The following PTPRF variants were observed in gnomAD, a reference collection of about 807,000 sequenced individuals.
PTPRF encodes receptor-type tyrosine-protein phosphatase F.
In PTPRF, 59 loss-of-function variants were observed where a neutral mutation model predicts 201.8. The ratio of observed to expected loss-of-function variants is 0.29; its 90% CI spans 0.24 to 0.36. The LOEUF (loss-of-function observed/expected upper bound fraction) is 0.36, where lower values mean the gene tolerates loss of function less well. Ranked by LOEUF, PTPRF falls within the 10% of genes least tolerant of loss-of-function variation. The probability of loss-of-function intolerance (pLI) is 1.00; values close to 1 mark genes in which losing one functional copy is unlikely to be tolerated. For missense variants in PTPRF, 2,132 were observed against 2,690.5 expected, an observed-to-expected ratio of 0.79 and a Z score of 4.59; for synonymous variants, 1,088 against 1,089.7, an observed-to-expected ratio of 1.00 and a Z score of 0.03.
At chr1:43,545,257 A>G (rs964315531) in intron 3 of PTPRF, 91 bp downstream of exon 3, 31 of 1,347,266 alleles carry the variant, frequency 2.3e-5, no homozygotes, top group Middle Eastern at 3.8e-4. Context: ...ACCGGCTACT[A>G]GGAGAGACAG....
At chr1:43,619,889 C>T in intron 29 of PTPRF, 31 bp downstream of exon 29, 5 of 1,607,876 alleles carry the variant, frequency 3.1e-6, no homozygotes, top group Non-Finnish European at 3.4e-6. Context: ...CCCACCATGC[C>T]CTACAGGGGC....
upstream of PTPRF, among the ~76,000 whole-genome samples, chr1:43,522,374 C>T (rs754726680): frequency 1.1e-4 from 16 of 152,048 alleles, no homozygotes; most frequent in Non-Finnish European, 1.9e-4. Flanking sequence ...AGTGACTGTT[C>T]GTTTTTTCTC....
chr1:43,596,162 G>T (rs545841787), intron 11 of PTPRF, among the ~76,000 whole-genome samples: 6 of 152,170 alleles, frequency 3.9e-5, no homozygotes, highest in Non-Finnish European at 7.4e-5. Context: ...GGACAAGGTT[G>T]ATGGACAGGC....
chr1:43,605,728 T>C (rs1654933867), intron 19 of PTPRF, 106 bp downstream of exon 19: 1 of 1,104,208 alleles, frequency 9.1e-7, no homozygotes, highest in African/African-American at 1.5e-5. Flanking sequence ...ACTCCCCAAA[T>C]TGAAATCTCT....
chr1:43,564,755 C>T (rs1364734082), intron 5 of PTPRF, among the ~76,000 whole-genome samples: 2 of 152,248 alleles, frequency 1.3e-5, no homozygotes, highest in East Asian at 1.9e-4. Flanking sequence ...TGCGTGCCTG[C>T]GTTTGCACGG....
At chr1:43,621,871 G>A in intron 33 of PTPRF, 64 bp from the exon 34 acceptor site, 1 of 1,506,886 alleles carries the variant, frequency 6.6e-7, no homozygotes, top group Non-Finnish European at 9.2e-7. Context: ...CAGTGTGAGT[G>A]TCAGCTGTGT....
Position 43,619,169 on chromosome 1 carries a change from C to T in PTPRF, c.4613C>T (p.Pro1538Leu). The change falls in exon 27 of 34, where the codon CCC becomes CTC. Residue 1538 changes from proline to leucine, a missense_variant. Physicochemically the swap from Pro to Leu is moderately conservative, Grantham distance 98. Transcript: ENST00000359947. Reference sequence around the variant, plus strand: ...CTACGACGGGTCAAGGCCTGCAACCCCCTAGACGCAGGGCCCATGGTGGTG... The same window carrying T: ...CTACGACGGGTCAAGGCCTGCAACCTCCTAGACGCAGGGCCCATGGTGGTG... ...AFLRRVKACN[P>L]LDAGPMVVHC... 1 of 1,613,528 alleles carries T rather than the reference C, an allele frequency of 6.2e-7. No homozygotes were observed.
intron 3 of PTPRF, among the ~76,000 whole-genome samples, chr1:43,550,481 G>A (rs1160016080): frequency 6.6e-6 from 1 of 152,140 alleles, no homozygotes; most frequent in Non-Finnish European, 1.5e-5. Context: ...CTCTTCCCTG[G>A]TGCAGCAGGG....
At chr1:43,613,156 T>C in intron 22 of PTPRF, 1 of 247,290 alleles carries the variant, frequency 4.0e-6, no homozygotes, top group South Asian at 4.5e-5. Context: ...TGTCTGTACT[T>C]CATGACCACT....
At chr1:43,566,204 G>A (rs982477866) in intron 5 of PTPRF, among the ~76,000 whole-genome samples, 3 of 152,178 alleles carry the variant, frequency 2.0e-5, no homozygotes, top group Non-Finnish European at 2.9e-5. Context: ...GGGGCTGGGG[G>A]CCTACCACCC....
chr1:43,555,839 G>A (rs1308548298), intron 5 of PTPRF, among the ~76,000 whole-genome samples: 1 of 152,174 alleles, frequency 6.6e-6, no homozygotes. Context: ...TATGTTCTCA[G>A]TTTTTTCGTT....
intron 6 of PTPRF, among the ~76,000 whole-genome samples, chr1:43,576,632 A>T (rs904823156): frequency 3.3e-5 from 5 of 152,240 alleles, no homozygotes; most frequent in Admixed American, 6.5e-5. Flanking sequence ...CTTACCACCT[A>T]TGTGATCTTC....
At chr1:43,616,846 A>G (rs1410896715) in intron 23 of PTPRF, among the ~76,000 whole-genome samples, 1 of 152,062 alleles carries the variant, frequency 6.6e-6, no homozygotes, top group Non-Finnish European at 1.5e-5. Flanking sequence ...TGAGCAAATG[A>G]GGTCACCCAG....
chr1:43,542,548 C>T lies in PTPRF; in HGVS notation c.-45-2483C>T, dbSNP rs575588946. Among the ~76,000 whole-genome samples, 1 of 152,276 alleles carries T rather than the reference C, an allele frequency of 6.6e-6. No homozygotes were observed. The highest frequency in any genetic ancestry group is 1.9e-4 in the East Asian group (1 of 5,182). On this transcript the variant is annotated intron_variant, in intron 2 of 33. Transcript: ENST00000359947. This position sits in a 1 kb window ranked among gnomAD's most constrained non-coding sequence, Gnocchi z 5.2. ...TCTCCAACACCCATGGCCAGACTCT[C>T]ATCCAGGCTTGTACCACATGGGTGT...
At chr1:43,592,399 C>G in intron 10 of PTPRF, 58 bp from the exon 11 acceptor site, 1 of 1,551,304 alleles carries the variant, frequency 6.4e-7, no homozygotes, top group East Asian at 2.3e-5. Flanking sequence ...TGTTGGGGAA[C>G]AACCTGTGAG....
At chr1:43,579,463 G>A in intron 7 of PTPRF, 2 of 346,414 alleles carry the variant, frequency 5.8e-6, no homozygotes, top group South Asian at 2.3e-5. Context: ...AGGAACCCTT[G>A]TGTTCAGCTG....
rs758321458 is a variant in PTPRF at position 43,617,751 on chromosome 1, A to C, written c.4211A>C (p.Asp1404Ala). 1 of 1,613,812 alleles carries C rather than the reference A, an allele frequency of 6.2e-7. No homozygotes were observed. Among genetic ancestry groups the C allele is most frequent in the Admixed American group, 1.7e-5 (1 of 60,020 alleles). Residue 1404 changes from aspartate to alanine, a missense_variant, in exon 25 of 34, where the codon GAC becomes GCC. This residue lies in a region of PTPRF where 818 missense variants were observed against 915.3 expected (regional missense o/e 0.89). Coordinates refer to ENST00000359947, the MANE Select transcript of PTPRF (RefSeq NM_002840.5). ...LTSIDGVPGS[D>A]YINANYIDGY... ...TTATCCATAGGCGTCCCCGGGAGTGACTACATCAATGCCAACTACATCGAT... is the reference window on the plus strand; with the variant it reads ...TTATCCATAGGCGTCCCCGGGAGTGCCTACATCAATGCCAACTACATCGAT...
chr1:43,572,116 C>T (rs1476189795), intron 6 of PTPRF, among the ~76,000 whole-genome samples: 1 of 152,222 alleles, frequency 6.6e-6, no homozygotes, highest in Non-Finnish European at 1.5e-5. Context: ...AAAACCTCCA[C>T]CCTGCTCAGC....
rs1042461099 is a variant in PTPRF, at chr1:43,534,647, T to C, written c.-125-3551T>C. On this transcript the variant is annotated intron_variant, in intron 1 of 33. Coordinates refer to ENST00000359947, the MANE Select transcript of PTPRF (RefSeq NM_002840.5). Reference sequence around the variant, plus strand: ...GTTGGACATGTGGCCCTTGAGGTACTTGGGACATTGGAGGCTCAGTGGGGG... The same window carrying C: ...GTTGGACATGTGGCCCTTGAGGTACCTGGGACATTGGAGGCTCAGTGGGGG... Among the ~76,000 whole-genome samples, 28 of 152,160 alleles carry C rather than the reference T, an allele frequency of 1.8e-4. 1 individual carries two copies. The highest frequency in any genetic ancestry group is 1.8e-3 in the Admixed American group (27 of 15,294).
Sources: gnomAD v4.1 joint callset for allele counts (sites outside exome capture counted in the v4.1 genomes callset) on GRCh38, gnomAD v4.1.1 for gene constraint, gnomAD v4.1.1 regional missense constraint, Gnocchi (gnomAD v3.1) non-coding constraint, MANE v1.5 for transcripts, NCBI Gene and HGNC (gene_info 2026-07-23, HGNC 2026-07-21) for gene names.